The following HACE1 variants were observed in gnomAD, a reference collection of about 807,000 sequenced individuals.
HACE1 encodes the protein HECT domain and ankyrin repeat containing E3 ubiquitin protein ligase 1.
In HACE1, 73 loss-of-function variants were observed where a neutral mutation model predicts 118.4. That is an observed-to-expected ratio of 0.62 (90% CI 0.51 to 0.75). The LOEUF (loss-of-function observed/expected upper bound fraction) is 0.75. Ranked by LOEUF, HACE1 falls within the 30% of genes least tolerant of loss-of-function variation. The pLI, the probability that HACE1 is intolerant of heterozygous loss-of-function variation, is 0.00. For synonymous variants in HACE1, 368 were observed against 374.8 expected, an observed-to-expected ratio of 0.98 and a Z score of 0.21; for missense variants, 749 against 1,102.2, an observed-to-expected ratio of 0.68 and a Z score of 4.54.
intron 20 of HACE1, 62 bp from the exon 21 acceptor site, chr6:104,744,672 A>C: frequency 1.0e-6 from 1 of 966,250 alleles, no homozygotes; most frequent in Admixed American, 1.8e-5. Flanking sequence ...ATTATATTTA[A>C]GTGGTAAATT....
At chr6:104,790,359 C>T (rs9499973) in intron 11 of HACE1, among the ~76,000 whole-genome samples, 5,133 of 152,256 alleles carry the variant, frequency 0.034, 273 homozygotes, top group African/African-American at 0.12. Flanking sequence ...GACAGCAAAG[C>T]TTTCAATCCT....
At chr6:104,806,550 A>C (rs1309711368) in intron 7 of HACE1, among the ~76,000 whole-genome samples, 1 of 152,228 alleles carries the variant, frequency 6.6e-6, no homozygotes. Flanking sequence ...TGCACAACGC[A>C]GTTAGGGGCT....
At position 104,737,234 on chromosome 6, in the gene HACE1, G is replaced by T. The variant is rs539118074; in HGVS notation, c.2514-6818C>A. Reference sequence around the variant, plus strand: ...TTGAACCCAGGGGGCGGAGGTTGCAGATCGAGCCACTGCACTCCAGCCTGG... The same window carrying T: ...TTGAACCCAGGGGGCGGAGGTTGCATATCGAGCCACTGCACTCCAGCCTGG... On this transcript the variant is annotated intron_variant, in intron 22 of 23. Transcript: ENST00000262903. 2.3e-5 allele frequency among the ~76,000 whole-genome samples: 3 copies of T among 131,416 alleles called. No homozygotes were observed. The South Asian group carries it at 7.3e-4, about 32-fold the overall frequency. 86.2% of individuals were successfully genotyped at this position (131,416 alleles called of 152,430 possible). A position where few individuals can be genotyped will look rare whatever the true frequency, so the allele number is the denominator to read the frequency against.
chr6:104,850,757 C>T (rs553915204), intron 3 of HACE1, 150 bp downstream of exon 3: 33 of 739,338 alleles, frequency 4.5e-5, no homozygotes, highest in Admixed American at 3.0e-4. Flanking sequence ...AGAGACAGAA[C>T]GGATAGCACA....
intron 11 of HACE1, among the ~76,000 whole-genome samples, chr6:104,788,346 T>C (rs1189024707): frequency 1.3e-5 from 2 of 152,134 alleles, no homozygotes; most frequent in Admixed American, 1.3e-4. Context: ...ATATTCTACA[T>C]ATAGTAACAA....
At chr6:104,745,020 C>T (rs1249306106) in intron 20 of HACE1, among the ~76,000 whole-genome samples, 2 of 152,050 alleles carry the variant, frequency 1.3e-5, no homozygotes, top group South Asian at 2.1e-4. Flanking sequence ...AACAAAGACC[C>T]GAATAAATAC....
At chr6:104,742,292 A>G (rs1372310422) in intron 22 of HACE1, among the ~76,000 whole-genome samples, 36 of 139,782 alleles carry the variant, frequency 2.6e-4, no homozygotes, top group Admixed American at 2.1e-3. Flanking sequence ...AATGGCAACA[A>G]AAGACAAAAT....
intron 3 of HACE1, among the ~76,000 whole-genome samples, 198 bp downstream of exon 3, chr6:104,850,709 G>C (rs752060255): frequency 6.6e-6 from 1 of 152,162 alleles, no homozygotes; most frequent in Non-Finnish European, 1.5e-5. Flanking sequence ...AGACAAGAGG[G>C]ACATGAGATT....
chr6:104,737,686 G>C (rs1776063510), intron 22 of HACE1, among the ~76,000 whole-genome samples: 1 of 152,180 alleles, frequency 6.6e-6, no homozygotes, highest in African/African-American at 2.4e-5. Context: ...CTACCCCACG[G>C]AGTCTCGCTG....
chr6:104,737,717 A>C (rs1335209530), intron 22 of HACE1, among the ~76,000 whole-genome samples: 2 of 152,174 alleles, frequency 1.3e-5, no homozygotes, highest in African/African-American at 2.4e-5. Flanking sequence ...CAGCAGTCTG[A>C]GACCAAACTG....
chr6:104,755,944 A>G (rs531390805), intron 19 of HACE1, among the ~76,000 whole-genome samples: 1 of 152,348 alleles, frequency 6.6e-6, no homozygotes, highest in African/African-American at 2.4e-5. Context: ...GGTGAATTGA[A>G]GAAGACAGAG....
Position 104,728,842 on chromosome 6 carries a change from T to C in HACE1, c.*820A>G, listed in dbSNP as rs530837529. 2 of 152,486 alleles carry C rather than the reference T, an allele frequency of 1.3e-5. No individual in the cohort carries two copies. Among genetic ancestry groups the C allele is most frequent in the South Asian group, 2.1e-4 (1 of 4,826 alleles). 9.4% of individuals were successfully genotyped at this position (152,486 alleles called of 1,614,324 possible). On this transcript the variant is annotated 3_prime_UTR_variant, in exon 24 of 24. Coordinates refer to ENST00000262903, the MANE Select transcript of HACE1 (RefSeq NM_020771.4). The stretch of plus-strand genomic sequence containing the variant: ...AATTTAAGAAGCAAAAAAATTAACA[T>C]ATTTAAATTATAATTTGCACATCAG...
At chr6:104,730,608 C>A in intron 22 of HACE1, 192 bp from the exon 23 acceptor site, 1 of 570,162 alleles carries the variant, frequency 1.8e-6, no homozygotes, top group East Asian at 3.1e-5. Flanking sequence ...TCCATGGAGA[C>A]ACCCCTCCAC....
At chr6:104,751,864 G>A (rs1274106975) in intron 19 of HACE1, among the ~76,000 whole-genome samples, 1 of 146,712 alleles carries the variant, frequency 6.8e-6, no homozygotes, top group African/African-American at 2.6e-5. Context: ...TAACAGGGAA[G>A]AAACTCTGTT....
chr6:104,779,855 TATG>T (rs1325577696), intron 14 of HACE1, among the ~76,000 whole-genome samples: 2 of 151,998 alleles, frequency 1.3e-5, no homozygotes, highest in Non-Finnish European at 2.9e-5. Context: ...AGAACATAAT[TATG>T]ATAATTATAA....
chr6:104,761,023 A>C (rs978391536), intron 19 of HACE1, among the ~76,000 whole-genome samples: 2 of 152,216 alleles, frequency 1.3e-5, no homozygotes, highest in African/African-American at 4.8e-5. Context: ...GAGAACTACA[A>C]ACCGCTGCTT....
In HACE1 at chr6:104,859,727, C is replaced by T. The variant is rs1349909013; in HGVS notation, c.-85G>A. The T allele has an allele frequency of 1.5e-5, 19 of 1,245,246 alleles. 1 individual carries two copies. The highest frequency in any genetic ancestry group is 1.6e-5 in the African/African-American group (1 of 63,784). 77.1% of individuals were successfully genotyped at this position (1,245,246 alleles called of 1,614,324 possible). On this transcript the variant is annotated 5_prime_UTR_variant, in exon 1 of 24. Transcript: ENST00000262903. ...CAGAGCCCTACATCTCGCCTGGGCC[C>T]GTCCAGCAGGCGGAGACGCGGGCTT... is the stretch of plus-strand genomic sequence containing the variant.
chr6:104,850,007 T>A (rs11760136), intron 3 of HACE1, among the ~76,000 whole-genome samples: 2 of 147,948 alleles, frequency 1.4e-5, no homozygotes, highest in East Asian at 4.0e-4. Context: ...TGGAAAGCAG[T>A]GGCACAATCT....
chr6:104,834,633 A>G (rs2115103535), intron 5 of HACE1, among the ~76,000 whole-genome samples: 2 of 152,352 alleles, frequency 1.3e-5, no homozygotes, highest in South Asian at 4.1e-4. Context: ...AGATCCATAA[A>G]GATACAGAGG....
Sources: gnomAD v4.1 joint callset for allele counts (sites outside exome capture counted in the v4.1 genomes callset) on GRCh38, gnomAD v4.1.1 for gene constraint, MANE v1.5 for transcripts, NCBI Gene and HGNC (gene_info 2026-07-23, HGNC 2026-07-21) for gene names.